LRRC49: variants seen among roughly 807,000 people sequenced by gnomAD.
LRRC49 encodes the protein leucine rich repeat containing 49, also known as leucine-rich repeat-containing protein 49.
A neutral mutation model predicts 83.3 loss-of-function variants in LRRC49; 50 were observed. The observed-to-expected ratio is 0.60, with a 90% CI of 0.48 to 0.76. LRRC49 has a LOEUF of 0.76. Among genes scored for constraint, LRRC49 ranks in the 30% least tolerant of loss-of-function variants. The pLI is 0.00. For synonymous variants in LRRC49, 286 were observed against 283.3 expected (o/e 1.01, Z -0.10); for missense variants, 704 against 809.1 (o/e 0.87, Z 1.58).
At chr15:70,899,142 T>A (rs1055670295) in intron 3 of LRRC49, among the ~76,000 whole-genome samples, 7 of 152,200 alleles carry the variant, frequency 4.6e-5, no homozygotes, top group African/African-American at 7.2e-5. Flanking sequence ...ATTCACTGAG[T>A]GTAAATTTAA....
In LRRC49 at chr15:71,006,591, C is replaced by G. The variant is rs1321970325; in HGVS notation, c.1170-1788C>G. On this transcript the variant is annotated intron_variant, in intron 11 of 15. Transcript: ENST00000260382. ...AATACATACTCATTAAAAACTTCAT[C>G]ATTGTCCCACTTCATTAATTCATCC... Among the ~76,000 whole-genome samples the G allele has an allele frequency of 4.6e-5, 7 of 152,188 alleles. No individual in the cohort carries two copies. The East Asian group carries it at 1.3e-3, about 29-fold the overall frequency.
At chr15:70,999,391 A>C (rs1022106263) in intron 11 of LRRC49, among the ~76,000 whole-genome samples, 2 of 152,068 alleles carry the variant, frequency 1.3e-5, no homozygotes, top group African/African-American at 4.8e-5. Context: ...TGTATTATTT[A>C]GCATGTGTAC....
chr15:71,046,052 T>A (rs912676019), intron 15 of LRRC49, among the ~76,000 whole-genome samples: 11 of 152,234 alleles, frequency 7.2e-5, no homozygotes, highest in African/African-American at 2.7e-4. Flanking sequence ...ATGTAGTTAC[T>A]ATTCCATGGT....
rs529932915 is a variant in LRRC49, at chr15:71,030,779, C to A, written c.1704-6400C>A. On this transcript the variant is annotated intron_variant, in intron 14 of 15. Transcript: ENST00000260382. ...ATTTCAGTAAGTTGATCTTCAATCT[C>A]TGATATCCTTTCTTCTGCTTGAAAG... Among the ~76,000 whole-genome samples the A allele has an allele frequency of 1.2e-4, 18 of 151,964 alleles. 1 individual carries two copies. The South Asian group carries it at 3.7e-3, about 32-fold the overall frequency.
intron 1 of LRRC49, among the ~76,000 whole-genome samples, chr15:70,869,631 C>T (rs930120404): frequency 6.6e-6 from 1 of 152,160 alleles, no homozygotes; most frequent in Non-Finnish European, 1.5e-5. Context: ...ACTGTCAGTA[C>T]AATACAGGCC....
intron 14 of LRRC49, 37 bp from the exon 15 acceptor site, chr15:71,037,139 GATA>G: frequency 6.9e-7 from 1 of 1,444,478 alleles, no homozygotes; most frequent in Non-Finnish European, 9.6e-7. Context: ...TAGTAAGTCT[GATA>G]AGTAACTCTC....
At chr15:70,992,271 C>T (rs937955394) in intron 11 of LRRC49, among the ~76,000 whole-genome samples, 21 of 152,228 alleles carry the variant, frequency 1.4e-4, no homozygotes, top group Non-Finnish European at 2.4e-4. Flanking sequence ...TCCATTAGCT[C>T]GGAGAAGTTT....
chr15:70,905,270 C>G (rs2034258562), intron 5 of LRRC49, among the ~76,000 whole-genome samples: 1 of 152,202 alleles, frequency 6.6e-6, no homozygotes, highest in Non-Finnish European at 1.5e-5. Flanking sequence ...GTTCTTGACT[C>G]ATTTCTTTGA....
intron 8 of LRRC49, among the ~76,000 whole-genome samples, chr15:70,953,696 A>G (rs1278188099): frequency 6.6e-6 from 1 of 152,116 alleles, no homozygotes; most frequent in Non-Finnish European, 1.5e-5. Flanking sequence ...TTCATGGACT[A>G]TATCCTCAAA....
At chr15:71,003,430 A>G (rs1482777668) in intron 11 of LRRC49, among the ~76,000 whole-genome samples, 1 of 152,212 alleles carries the variant, frequency 6.6e-6, no homozygotes. Context: ...GATCCTCCAG[A>G]GAAGAATACC....
chr15:70,859,143 T>G lies in LRRC49; in HGVS notation c.-299+5674T>G, dbSNP rs183415044. On this transcript the variant is annotated intron_variant, in intron 1 of 16. Coordinates refer to the LRRC49 transcript ENST00000544974. Reference sequence around the variant, plus strand: ...AAGAACAACATGTTCCAGAGCTATATCAACAACCTTAGGTGGCAGCTGGAG... The same window carrying G: ...AAGAACAACATGTTCCAGAGCTATAGCAACAACCTTAGGTGGCAGCTGGAG... 20 of 1,369,262 alleles carry G rather than the reference T, an allele frequency of 1.5e-5. No homozygotes were observed. The East Asian group carries it at 1.6e-4, about 11-fold the overall frequency. 84.8% of individuals were successfully genotyped at this position (1,369,262 alleles called of 1,614,324 possible). A position where few individuals can be genotyped will look rare whatever the true frequency, so the allele number is the denominator to read the frequency against.
chr15:70,859,790 C>G lies in LRRC49; in HGVS notation c.-299+6321C>G. On this transcript the variant is annotated intron_variant, in intron 1 of 16. Transcript: ENST00000544974. ...CAAGCTGTCCGAGCTGGAGGCCTCT[C>G]TGCAATGGGCCAGGCAGGATATGGT... 8 of 746,882 alleles carry G rather than the reference C, an allele frequency of 1.1e-5. No homozygotes were observed. The South Asian group carries it at 1.1e-4, about 10-fold the overall frequency. 46.3% of individuals were successfully genotyped at this position (746,882 alleles called of 1,614,324 possible).
intron 1 of LRRC49, among the ~76,000 whole-genome samples, chr15:70,862,204 A>G (rs1249014306): frequency 6.6e-6 from 1 of 152,192 alleles, no homozygotes; most frequent in Non-Finnish European, 1.5e-5. Flanking sequence ...CTCCCTGATC[A>G]GGGTGAGGGC....
chr15:71,016,838 GC>G (rs146267942), intron 14 of LRRC49, among the ~76,000 whole-genome samples: 1,776 of 152,242 alleles, frequency 0.012, 43 homozygotes, highest in African/African-American at 0.04. Flanking sequence ...TGGCATGGTG[GC>G]TCACGCCTGT....
At chr15:71,004,416 G>A (rs1480977054) in intron 11 of LRRC49, among the ~76,000 whole-genome samples, 2 of 152,120 alleles carry the variant, frequency 1.3e-5, no homozygotes, top group Admixed American at 6.5e-5. Flanking sequence ...GTGGGAGGCC[G>A]AGGCAGGCAG....
intron 7 of LRRC49, among the ~76,000 whole-genome samples, chr15:70,930,281 C>T (rs529645500): frequency 6.6e-6 from 1 of 152,284 alleles, no homozygotes; most frequent in African/African-American, 2.4e-5. Context: ...TCCATCTGGG[C>T]TCTTGGGTGA....
chr15:70,952,667 T>A (rs899403381), intron 8 of LRRC49, among the ~76,000 whole-genome samples: 4 of 152,146 alleles, frequency 2.6e-5, no homozygotes, highest in African/African-American at 9.7e-5. Context: ...GTGTCAAGTT[T>A]AAGTCCGGAA....
Position 70,971,137 on chromosome 15 carries a change from C to T in LRRC49, c.921+7205C>T, listed in dbSNP as rs1337067821. On this transcript the variant is annotated intron_variant, in intron 9 of 15. Transcript: ENST00000260382. ...TGGCCATTTAGTACTATAAATTTCC[C>T]TCTAAACACTGCTTTAGCACCCAGA... is the stretch of plus-strand genomic sequence containing the variant. Among the ~76,000 whole-genome samples, 3 of 152,258 alleles carry T rather than the reference C, an allele frequency of 2.0e-5. No individual in the cohort carries two copies. The East Asian group carries it at 5.8e-4, about 29-fold the overall frequency.
Position 70,911,475 on chromosome 15 carries a change from G to T in LRRC49, c.501-57G>T. On this transcript the variant is annotated intron_variant, in intron 5 of 15. Transcript: ENST00000260382. Reference sequence around the variant, plus strand: ...ACACCTTTATGCCTTAGCATACTTTGATTTACAGATAGATGTGATACATCC... The same window carrying T: ...ACACCTTTATGCCTTAGCATACTTTTATTTACAGATAGATGTGATACATCC... The T allele has an allele frequency of 4.2e-6, 4 of 961,894 alleles. No homozygotes were observed. The South Asian group carries it at 5.8e-5, about 14-fold the overall frequency. The allele number at this position is 961,894 out of a possible 1,614,324, so 59.6% of individuals were successfully genotyped here.
Sources: gnomAD v4.1 joint callset for allele counts (sites outside exome capture counted in the v4.1 genomes callset) on GRCh38, gnomAD v4.1.1 for gene constraint, MANE v1.5 for transcripts, NCBI Gene and HGNC (gene_info 2026-07-23, HGNC 2026-07-21) for gene names.